Variants in SYNPR observed in about 807,000 individuals in gnomAD.
The protein encoded by SYNPR is synaptoporin.
In SYNPR, 23 loss-of-function variants were observed where a neutral mutation model predicts 32.9. The ratio of observed to expected loss-of-function variants is 0.70; its 90% confidence interval spans 0.50 to 0.99. SYNPR has a LOEUF of 0.99. SYNPR is among the 50% of genes least tolerant of loss of function. The pLI, the probability that SYNPR is intolerant of heterozygous loss-of-function variation, is 0.00. For missense variants in SYNPR, 318 were observed against 349.3 expected (o/e 0.91, Z 0.71); for synonymous variants, 146 against 135.9 (o/e 1.07, Z -0.52).
intron 2 of SYNPR, among the ~76,000 whole-genome samples, chr3:63,401,774 A>G (rs1197613178): frequency 6.6e-6 from 1 of 152,162 alleles, no homozygotes; most frequent in East Asian, 1.9e-4. Context: ...TTTGCAGAGC[A>G]TGAATGTGGC....
chr3:63,380,320 C>T (rs185816945), intron 2 of SYNPR, among the ~76,000 whole-genome samples: 3 of 152,254 alleles, frequency 2.0e-5, no homozygotes, highest in African/African-American at 7.2e-5. Context: ...TAAAAGTGTT[C>T]CTATTTCTCC....
upstream of SYNPR, chr3:63,278,254 C>A: frequency 2.3e-6 from 1 of 430,898 alleles, no homozygotes; most frequent in Non-Finnish European, 4.1e-6. Flanking sequence ...CCCCTGGCTC[C>A]ATGGGTTTCC....
intron 2 of SYNPR, among the ~76,000 whole-genome samples, chr3:63,326,629 AGCCAGAT>A (rs1560193206): frequency 6.6e-6 from 1 of 152,142 alleles, no homozygotes; most frequent in African/African-American, 2.4e-5. Flanking sequence ...GAAGCCCAGA[AGCCAGAT>A]GCTGGTCCTT....
chr3:63,392,840 A>G lies in SYNPR; in HGVS notation c.85-87992A>G, dbSNP rs571612813. On this transcript the variant is annotated intron_variant, in intron 2 of 5. Transcript: ENST00000478300. Reference sequence around the variant, plus strand: ...TTGGATAAATTATTTTTGGAAAAAAACTGCACTGAAGGCTCAAAGGTAAAT... The same window carrying G: ...TTGGATAAATTATTTTTGGAAAAAAGCTGCACTGAAGGCTCAAAGGTAAAT... 3.3e-5 allele frequency among the ~76,000 whole-genome samples: 5 copies of G among 152,272 alleles called. No individual in the cohort carries two copies. The East Asian group carries it at 9.6e-4, about 29-fold the overall frequency.
chr3:63,249,494 A>C (rs2086314758), intron 1 of SYNPR, among the ~76,000 whole-genome samples: 1 of 152,142 alleles, frequency 6.6e-6, no homozygotes, highest in African/African-American at 2.4e-5. Context: ...ATTGGAGCTA[A>C]GCTATGAGGA....
intron 2 of SYNPR, among the ~76,000 whole-genome samples, chr3:63,462,901 C>T (rs1575657388): frequency 6.6e-6 from 1 of 152,240 alleles, no homozygotes; most frequent in East Asian, 1.9e-4. Flanking sequence ...GGGGAAGGTG[C>T]TTGTGTGAAC....
chr3:63,596,021 T>C (rs1377659273), intron 4 of SYNPR, among the ~76,000 whole-genome samples: 1 of 143,434 alleles, frequency 7.0e-6, no homozygotes, highest in Non-Finnish European at 1.5e-5. Flanking sequence ...ATACTTTAAG[T>C]TATAGGGTAC....
chr3:63,504,176 C>T (rs1293029245), intron 3 of SYNPR, among the ~76,000 whole-genome samples: 2 of 152,158 alleles, frequency 1.3e-5, no homozygotes, highest in South Asian at 2.1e-4. Context: ...TCATATACAT[C>T]TATGCATCCA....
chr3:63,256,048 G>C (rs2086379601), intron 2 of SYNPR, among the ~76,000 whole-genome samples: 1 of 152,210 alleles, frequency 6.6e-6, no homozygotes, highest in Admixed American at 6.5e-5. Context: ...GCCAAGGCTT[G>C]AGTAGGTAAA....
intron 2 of SYNPR, among the ~76,000 whole-genome samples, chr3:63,253,644 G>A (rs568947373): frequency 3.5e-4 from 54 of 152,164 alleles, no homozygotes; most frequent in South Asian, 1.5e-3. Flanking sequence ...TTAGAATGGC[G>A]ATCATTAAAA....
At chr3:63,221,342 G>A in the SYNPR span, among the ~76,000 whole-genome samples, 1 of 152,088 alleles carries the variant, frequency 6.6e-6, no homozygotes, top group Non-Finnish European at 1.5e-5. Flanking sequence ...GGGCTCTAGG[G>A]TTGAGCATTC....
At chr3:63,574,589 A>G (rs1362629350) in intron 4 of SYNPR, among the ~76,000 whole-genome samples, 4 of 152,166 alleles carry the variant, frequency 2.6e-5, no homozygotes, top group African/African-American at 7.2e-5. Flanking sequence ...CAAAATGTCA[A>G]TAGTGCCGAG....
At chr3:63,442,004 A>G (rs1024412992) in intron 2 of SYNPR, among the ~76,000 whole-genome samples, 1 of 152,202 alleles carries the variant, frequency 6.6e-6, no homozygotes, top group Non-Finnish European at 1.5e-5. Context: ...GTGGGAGACC[A>G]GGACTAGAAC....
chr3:63,572,495 T>C (rs945100741), intron 4 of SYNPR, among the ~76,000 whole-genome samples: 1 of 152,176 alleles, frequency 6.6e-6, no homozygotes, highest in African/African-American at 2.4e-5. Context: ...GCTTGCCCTC[T>C]CATTTTAAAG....
intron 2 of SYNPR, among the ~76,000 whole-genome samples, chr3:63,460,476 C>T (rs1309799626): frequency 1.3e-5 from 2 of 149,986 alleles, no homozygotes. Context: ...AGCCAGAAAG[C>T]CTCTTTGGTT....
At chr3:63,593,928 C>T (rs983140461) in intron 4 of SYNPR, among the ~76,000 whole-genome samples, 3 of 152,082 alleles carry the variant, frequency 2.0e-5, no homozygotes, top group African/African-American at 7.2e-5. Context: ...GTACCCAGCC[C>T]ATAGCAGGGA....
the SYNPR span, among the ~76,000 whole-genome samples, chr3:63,207,899 A>G: frequency 6.6e-6 from 1 of 152,186 alleles, no homozygotes; most frequent in Non-Finnish European, 1.5e-5. Flanking sequence ...CTCTAGTAAG[A>G]TGTCCATTCT....
chr3:63,291,676 T>A lies in SYNPR; in HGVS notation c.84+12934T>A, dbSNP rs187179183. ...ATTCACCCAGGAGATGAATTTGAAA[T>A]TTATTTTTAAAGACAAGTGCTTCAT... On this transcript the variant is annotated intron_variant, in intron 2 of 5. Coordinates refer to ENST00000478300, the MANE Select transcript of SYNPR (RefSeq NM_001130003.2). Among the ~76,000 whole-genome samples, 464 of 152,274 alleles carry A rather than the reference T, an allele frequency of 3.0e-3. 1 individual carries two copies. The highest frequency in any genetic ancestry group is 4.9e-3 in the Non-Finnish European group (332 of 68,022).
intron 2 of SYNPR, among the ~76,000 whole-genome samples, chr3:63,359,033 A>G (rs1047047399): frequency 1.3e-5 from 2 of 152,206 alleles, no homozygotes; most frequent in African/African-American, 4.8e-5. Context: ...GATACTAAGT[A>G]TTGTTGAAAC....
Sources: allele counts gnomAD v4.1 joint callset (sites outside exome capture counted in the v4.1 genomes callset), GRCh38; gene constraint gnomAD v4.1.1; transcripts MANE v1.5; gene names NCBI Gene and HGNC (gene_info 2026-07-23, HGNC 2026-07-21).